Variants in PIK3R1 observed in about 807,000 individuals in gnomAD.
PIK3R1 encodes the protein phosphoinositide-3-kinase regulatory subunit 1.
PIK3R1 carries 29 observed loss-of-function variants against 98.0 expected under a neutral mutation model. The ratio of observed to expected loss-of-function variants is 0.30; its 90% CI spans 0.22 to 0.40. PIK3R1 has a LOEUF of 0.40. Ranked by LOEUF, PIK3R1 falls within the 10% of genes least tolerant of loss-of-function variation. PIK3R1 has a pLI of 1.00. For synonymous variants in PIK3R1, 282 were observed against 311.8 expected (o/e 0.90, Z 1.01); for missense variants, 596 against 872.7 (o/e 0.68, Z 3.99).
At chr5:68,263,800 G>A (rs1158548200) in intron 2 of PIK3R1, among the ~76,000 whole-genome samples, 1 of 152,050 alleles carries the variant, frequency 6.6e-6, no homozygotes, top group African/African-American at 2.4e-5. Flanking sequence ...ATGTTTTCAG[G>A]CCTCTTGCCT....
At chr5:68,227,982 C>CTCAGCTTTGCTGTTA (rs1744343944) in intron 2 of PIK3R1, among the ~76,000 whole-genome samples, 5 of 152,246 alleles carry the variant, frequency 3.3e-5, no homozygotes, top group African/African-American at 9.6e-5. Flanking sequence ...AAGCCTTATG[C>CTCAGCTTTGCTGTTA]TCAGCTTTGC....
intron 1 of PIK3R1, among the ~76,000 whole-genome samples, chr5:68,222,673 T>A (rs1744131202): frequency 6.6e-6 from 1 of 152,184 alleles, no homozygotes. Context: ...TTAAAATAGC[T>A]TTTTTGTGTG....
intron 5 of PIK3R1, 41 bp from the exon 6 acceptor site, chr5:68,280,487 C>A (rs777468585): frequency 7.4e-7 from 1 of 1,352,404 alleles, no homozygotes; most frequent in Non-Finnish European, 1.0e-6. Flanking sequence ...TGGAAGTAGT[C>A]GCTTACTCAT....
chr5:68,239,502 A>G (rs1580187881), intron 2 of PIK3R1, among the ~76,000 whole-genome samples: 1 of 152,238 alleles, frequency 6.6e-6, no homozygotes, highest in Non-Finnish European at 1.5e-5. Context: ...TATTCCATTG[A>G]CTTGTTACTT....
intron 2 of PIK3R1, among the ~76,000 whole-genome samples, chr5:68,268,161 TTA>T (rs1746200098): frequency 6.6e-6 from 1 of 152,204 alleles, no homozygotes; most frequent in African/African-American, 2.4e-5. Flanking sequence ...GGGATTCAAG[TTA>T]ACTAACTTGC....
At chr5:68,266,868 G>A (rs1485703861) in intron 2 of PIK3R1, among the ~76,000 whole-genome samples, 2 of 152,132 alleles carry the variant, frequency 1.3e-5, no homozygotes, top group Admixed American at 1.3e-4. Context: ...ACTTACTGTG[G>A]GAATGTGGCT....
chr5:68,257,960 A>T (rs1273092131), intron 2 of PIK3R1, among the ~76,000 whole-genome samples: 1 of 152,258 alleles, frequency 6.6e-6, no homozygotes, highest in Non-Finnish European at 1.5e-5. Flanking sequence ...ATGCTTAGAG[A>T]AAACAATAGC....
In PIK3R1 at chr5:68,273,695, GAAACTATTAA is replaced by G; in HGVS notation, c.427+215_427+224del. On this transcript the variant is annotated intron_variant, in intron 3 of 15. Transcript: ENST00000521381. ...TAGATTATCATGTAGTTTCCATATG[GAAACTATTAA>G]ATTCTTCATAATTTAATAAATATGA... 6.7e-6 allele frequency: 4 copies of G among 593,422 alleles called. No homozygotes were observed. In the South Asian group the frequency reaches 8.7e-5, roughly 13 times the overall value. 36.8% of individuals were successfully genotyped at this position (593,422 alleles called of 1,614,324 possible).
intron 2 of PIK3R1, among the ~76,000 whole-genome samples, chr5:68,268,305 G>A (rs1053669137): frequency 4.6e-5 from 7 of 151,992 alleles, no homozygotes; most frequent in Non-Finnish European, 1.0e-4. Context: ...GGAAGTCATC[G>A]TTGTTTTTTT....
chr5:68,243,250 A>G lies in PIK3R1; in HGVS notation c.334+16241A>G, dbSNP rs1197694565. ...AAGAATTGTTAGTTTTTGAACATGT[A>G]AAATCTACTAGGGTCTCTGACTGTT... is the stretch of plus-strand genomic sequence containing the variant. On this transcript the variant is annotated intron_variant, in intron 2 of 15. Transcript: ENST00000521381. Among the ~76,000 whole-genome samples the G allele has an allele frequency of 2.0e-5, 3 of 152,358 alleles. No homozygotes were observed. In the East Asian group the frequency reaches 5.8e-4, roughly 29 times the overall value.
At chr5:68,270,243 C>T (rs76307469) in intron 2 of PIK3R1, among the ~76,000 whole-genome samples, 1,988 of 151,528 alleles carry the variant, frequency 0.013, 23 homozygotes, top group Middle Eastern at 0.017. Flanking sequence ...CACTTTTTGC[C>T]GAAAAAACAT....
intron 2 of PIK3R1, among the ~76,000 whole-genome samples, chr5:68,271,076 A>C (rs748302355): frequency 6.6e-6 from 1 of 152,168 alleles, no homozygotes. Flanking sequence ...TCTTATCAAA[A>C]GAGTATGTCC....
intron 2 of PIK3R1, among the ~76,000 whole-genome samples, chr5:68,266,380 T>C (rs1038199317): frequency 6.6e-6 from 1 of 152,274 alleles, no homozygotes; most frequent in African/African-American, 2.4e-5. Context: ...GGAATGCCCC[T>C]GCCTTTCTCT....
chr5:68,276,601 G>A (rs1301260152), intron 4 of PIK3R1, among the ~76,000 whole-genome samples: 1 of 152,182 alleles, frequency 6.6e-6, no homozygotes, highest in Non-Finnish European at 1.5e-5. Context: ...ATGACAGGTA[G>A]GAATAGCTAA....
chr5:68,290,670 A>G (rs1747336741), intron 7 of PIK3R1: 1 of 1,565,932 alleles, frequency 6.4e-7, no homozygotes, highest in East Asian at 2.3e-5. Flanking sequence ...AGACACCATT[A>G]CAAAGAAAGC....
chr5:68,284,683 CT>C (rs1238805810), intron 7 of PIK3R1, among the ~76,000 whole-genome samples: 1 of 152,200 alleles, frequency 6.6e-6, no homozygotes, highest in African/African-American at 2.4e-5. Context: ...TATTCATCTG[CT>C]TAATTACATT....
chr5:68,285,123 A>AGTGT (rs1166175930), intron 7 of PIK3R1, among the ~76,000 whole-genome samples: 1 of 152,202 alleles, frequency 6.6e-6, no homozygotes, highest in Non-Finnish European at 1.5e-5. Flanking sequence ...ACCCATTATA[A>AGTGT]GTGTATTTAC....
Position 68,234,488 on chromosome 5 carries a change from G to C in PIK3R1, c.334+7479G>C, listed in dbSNP as rs149704445. Among the ~76,000 whole-genome samples the C allele has an allele frequency of 4.9e-4, 74 of 152,312 alleles. No individual in the cohort carries two copies. The East Asian group carries it at 0.011, about 23-fold the overall frequency. On this transcript the variant is annotated intron_variant, in intron 2 of 15. Transcript: ENST00000521381. The stretch of plus-strand genomic sequence containing the variant: ...TTGTATGGGATTATTGCTTATGAAA[G>C]TGCCCACCTGGTATCAAGTTTTTGC...
chr5:68,221,074 C>G (rs985659009), intron 1 of PIK3R1, among the ~76,000 whole-genome samples: 5 of 152,186 alleles, frequency 3.3e-5, no homozygotes, highest in Admixed American at 3.3e-4. Flanking sequence ...GTTATAAACT[C>G]GAGTTTGGCC....
Sources: gnomAD v4.1 joint callset for allele counts (sites outside exome capture counted in the v4.1 genomes callset) on GRCh38, gnomAD v4.1.1 for gene constraint, MANE v1.5 for transcripts, NCBI Gene and HGNC (gene_info 2026-07-23, HGNC 2026-07-21) for gene names.